Variants in MAP4K4 observed in about 807,000 individuals in gnomAD.
The protein encoded by MAP4K4 is HPK/GCK-like kinase HGK.
A neutral mutation model predicts 189.6 loss-of-function variants in MAP4K4; 38 were observed. The ratio of observed to expected loss-of-function variants is 0.20; its 90% CI spans 0.15 to 0.26. The LOEUF (loss-of-function observed/expected upper bound fraction) is 0.26. Among genes scored for constraint, MAP4K4 ranks in the 10% least tolerant of loss-of-function variants. MAP4K4 has a pLI of 1.00. For missense variants in MAP4K4, 1,054 were observed against 1,726.9 expected (o/e 0.61, Z 6.91); for synonymous variants, 610 against 624.3 (o/e 0.98, Z 0.34).
chr2:101,812,957 G>A (rs560182867), intron 3 of MAP4K4, among the ~76,000 whole-genome samples: 5 of 152,204 alleles, frequency 3.3e-5, no homozygotes, highest in East Asian at 1.9e-4. Context: ...GTGAAACCCC[G>A]TCTCTACTAA....
intron 3 of MAP4K4, among the ~76,000 whole-genome samples, chr2:101,795,505 A>G (rs775281772): frequency 2.8e-4 from 42 of 152,124 alleles, no homozygotes; most frequent in African/African-American, 8.9e-4. Flanking sequence ...CATGAACCCA[A>G]TGGGTCCCCA....
exon 33 of MAP4K4, chr2:101,892,619 A>G (rs1577586075): frequency 3.3e-6 from 1 of 301,850 alleles, no homozygotes; most frequent in Non-Finnish European, 6.5e-6. Flanking sequence ...CAATGCACTA[A>G]AACTATTTTA....
chr2:101,775,906 G>A (rs775671407), intron 2 of MAP4K4, among the ~76,000 whole-genome samples: 2 of 152,208 alleles, frequency 1.3e-5, no homozygotes, highest in African/African-American at 2.4e-5. Context: ...AGTGTTATGT[G>A]GTGTCTGCTA....
intron 16 of MAP4K4, chr2:101,861,866 G>A (rs1416282377): frequency 2.0e-5 from 3 of 151,644 alleles, no homozygotes; most frequent in Non-Finnish European, 2.9e-5. Flanking sequence ...ACTGGTGTTT[G>A]CATGTGTGGG....
chr2:101,886,095 T>G (rs1017553599), intron 29 of MAP4K4, among the ~76,000 whole-genome samples: 4 of 152,210 alleles, frequency 2.6e-5, no homozygotes, highest in African/African-American at 9.6e-5. Context: ...AATATTCGCT[T>G]AAAAAATAAT....
intron 3 of MAP4K4, among the ~76,000 whole-genome samples, chr2:101,809,921 G>A (rs1443400520): frequency 1.3e-5 from 2 of 152,264 alleles, no homozygotes; most frequent in African/African-American, 4.8e-5. Context: ...GTGCATAATG[G>A]GATAATGCCA....
chr2:101,781,723 T>C (rs1171434546), intron 2 of MAP4K4, among the ~76,000 whole-genome samples: 1 of 152,172 alleles, frequency 6.6e-6, no homozygotes, highest in Non-Finnish European at 1.5e-5. Context: ...TTGGGGACAT[T>C]CAAACCATAG....
At position 101,859,876 on chromosome 2, in the gene MAP4K4, C is replaced by T. The variant is rs1014277674; in HGVS notation, c.1704+12C>T. On this transcript the variant is annotated intron_variant, in intron 15 of 32. Coordinates refer to ENST00000324219, the Ensembl canonical transcript of MAP4K4. ...ACCGAGCGCGAGAGGTATCCTCTTT[C>T]CTTTGTCACTTAGACATTGCCCTGG... is the stretch of plus-strand genomic sequence containing the variant. The T allele has an allele frequency of 1.9e-6, 3 of 1,585,748 alleles. No individual in the cohort carries two copies. Among genetic ancestry groups the T allele is most frequent in the Non-Finnish European group, 1.7e-6 (2 of 1,166,004 alleles).
rs79626224 is a variant in MAP4K4 at position 101,829,343 on chromosome 2, T to G, written c.418-161T>G. Among the ~76,000 whole-genome samples the G allele has an allele frequency of 0.026, 3,984 of 152,232 alleles. 159 individuals carry two copies. The highest frequency in any genetic ancestry group is 0.091 in the African/African-American group (3,776 of 41,526). On this transcript the variant is annotated intron_variant, in intron 5 of 32. Coordinates refer to ENST00000324219, the Ensembl canonical transcript of MAP4K4. ...GGACTTCTTTCTGTGTGTGTGGTAGTATTGGTGCTGTCTTCCTGGGAATGC... is the reference window on the plus strand; with the variant it reads ...GGACTTCTTTCTGTGTGTGTGGTAGGATTGGTGCTGTCTTCCTGGGAATGC...
intron 2 of MAP4K4, among the ~76,000 whole-genome samples, chr2:101,731,781 G>C (rs1262296326): frequency 6.6e-6 from 1 of 151,390 alleles, no homozygotes; most frequent in East Asian, 1.9e-4. Flanking sequence ...ATGGAGGGGA[G>C]GGGTAGGGGA....
chr2:101,831,812 C>T (rs770040395), exon 7 of MAP4K4: 22 of 1,612,364 alleles, frequency 1.4e-5, no homozygotes, highest in Admixed American at 3.3e-5. Context: ...CTGAGGTCAT[C>T]GCCTGTGATG....
intron 2 of MAP4K4, among the ~76,000 whole-genome samples, chr2:101,699,181 CAG>C (rs1459686881): frequency 6.6e-6 from 1 of 152,134 alleles, no homozygotes; most frequent in Non-Finnish European, 1.5e-5. Context: ...GTAATTGAAA[CAG>C]AAATGACAGA....
At chr2:101,701,109 A>G (rs1470230811) in intron 2 of MAP4K4, among the ~76,000 whole-genome samples, 2 of 152,040 alleles carry the variant, frequency 1.3e-5, no homozygotes, top group African/African-American at 4.8e-5. Context: ...TTTTAAACAT[A>G]ATTTCAGGTA....
chr2:101,796,143 G>A (rs1314194631), intron 3 of MAP4K4, among the ~76,000 whole-genome samples: 2 of 152,134 alleles, frequency 1.3e-5, no homozygotes, highest in African/African-American at 4.8e-5. Context: ...TAGTCTTCTG[G>A]CCTGTCCAGT....
At chr2:101,874,551 T>C (rs376868505) in intron 26 of MAP4K4, among the ~76,000 whole-genome samples, 55 of 152,340 alleles carry the variant, frequency 3.6e-4, no homozygotes, top group African/African-American at 1.2e-3. Flanking sequence ...TCTGGGTTTT[T>C]AGTGTAACCA....
chr2:101,702,918 A>G (rs914847201), intron 2 of MAP4K4, among the ~76,000 whole-genome samples: 3 of 152,170 alleles, frequency 2.0e-5, no homozygotes, highest in African/African-American at 7.2e-5. Flanking sequence ...CATTTATTGA[A>G]GAAAGGGAGG....
At chr2:101,710,195 G>A (rs2044632380) in intron 2 of MAP4K4, among the ~76,000 whole-genome samples, 1 of 152,208 alleles carries the variant, frequency 6.6e-6, no homozygotes, top group African/African-American at 2.4e-5. Context: ...GAGGTTGAGT[G>A]TGTACATTTA....
chr2:101,781,669 C>G (rs900241876), intron 2 of MAP4K4, among the ~76,000 whole-genome samples: 1 of 152,298 alleles, frequency 6.6e-6, no homozygotes, highest in East Asian at 1.9e-4. Flanking sequence ...GGCCCCAGCT[C>G]CCAACACTGT....
intron 26 of MAP4K4, among the ~76,000 whole-genome samples, chr2:101,875,953 A>C (rs1190245862): frequency 6.6e-6 from 1 of 152,200 alleles, no homozygotes; most frequent in Non-Finnish European, 1.5e-5. Flanking sequence ...GTACATCATG[A>C]GAAAGTGGAG....
Sources: allele counts gnomAD v4.1 joint callset (sites outside exome capture counted in the v4.1 genomes callset), GRCh38; gene constraint gnomAD v4.1.1; transcripts MANE v1.5; gene names NCBI Gene and HGNC (gene_info 2026-07-23, HGNC 2026-07-21).